Variants in NKAIN2 observed in about 807,000 individuals in gnomAD.
NKAIN2 encodes sodium/potassium transporting ATPase interacting 2, also known as sodium/potassium-transporting ATPase subunit beta-1-interacting protein 2.
NKAIN2 carries 14 observed loss-of-function variants against 32.6 expected under a neutral mutation model. The ratio of observed to expected loss-of-function variants is 0.43; its 90% CI spans 0.28 to 0.67. NKAIN2 has a LOEUF of 0.67. Among genes scored for constraint, NKAIN2 ranks in the 30% least tolerant of loss-of-function variants. The pLI is 0.17. For missense variants in NKAIN2, 198 were observed against 258.3 expected (o/e 0.77, Z 1.60); for synonymous variants, 80 against 87.2 (o/e 0.92, Z 0.46).
In NKAIN2 at chr6:124,507,504, G is replaced by C. The variant is rs376487440; in HGVS notation, c.274-150682G>C. ...TTGCTTGGTTTAAATATATGCTTTTGGTAGTCAGCGTATCCATCTTTAATT... is the reference window on the plus strand; with the variant it reads ...TTGCTTGGTTTAAATATATGCTTTTCGTAGTCAGCGTATCCATCTTTAATT... On this transcript the variant is annotated intron_variant, in intron 3 of 6. Coordinates refer to ENST00000368417, the MANE Select transcript of NKAIN2 (RefSeq NM_001040214.3). 5.9e-4 allele frequency among the ~76,000 whole-genome samples: 89 copies of C among 152,038 alleles called. 1 individual carries two copies. Among genetic ancestry groups the C allele is most frequent in the African/African-American group, 2.1e-3 (88 of 41,466 alleles).
chr6:123,872,023 A>T (rs1772915863), intron 1 of NKAIN2, among the ~76,000 whole-genome samples: 1 of 152,096 alleles, frequency 6.6e-6, no homozygotes, highest in Admixed American at 6.5e-5. Context: ...ACATCCTTTT[A>T]AGCTGATCAT....
At chr6:124,534,034 G>A (rs937023491) in intron 3 of NKAIN2, among the ~76,000 whole-genome samples, 8 of 152,100 alleles carry the variant, frequency 5.3e-5, no homozygotes, top group Non-Finnish European at 1.0e-4. Flanking sequence ...GGATTTCAAC[G>A]TATGAATTTG....
intron 4 of NKAIN2, among the ~76,000 whole-genome samples, chr6:124,717,931 A>G (rs945001465): frequency 3.9e-5 from 6 of 152,194 alleles, no homozygotes; most frequent in Non-Finnish European, 5.9e-5. Flanking sequence ...TGTTATCCCC[A>G]GGCATATTCA....
chr6:124,670,762 G>T (rs1242870032), intron 4 of NKAIN2, among the ~76,000 whole-genome samples: 1 of 151,600 alleles, frequency 6.6e-6, no homozygotes. Context: ...TCTCAAGAAA[G>T]GTGGTTTGTT....
intron 3 of NKAIN2, among the ~76,000 whole-genome samples, chr6:124,584,270 A>G (rs1241167612): frequency 6.6e-6 from 1 of 152,228 alleles, no homozygotes; most frequent in Non-Finnish European, 1.5e-5. Context: ...TAATCAGAAT[A>G]TATAAGAAAC....
intron 1 of NKAIN2, among the ~76,000 whole-genome samples, chr6:123,886,285 C>T (rs1332904555): frequency 3.3e-5 from 5 of 151,978 alleles, no homozygotes; most frequent in South Asian, 2.1e-4. Context: ...AAGAAATACA[C>T]ACAATGATTT....
At chr6:124,686,227 G>A (rs950166039) in intron 4 of NKAIN2, among the ~76,000 whole-genome samples, 2 of 152,096 alleles carry the variant, frequency 1.3e-5, no homozygotes, top group East Asian at 1.9e-4. Context: ...AAAGACTCCC[G>A]CAAGGCAGGC....
At chr6:123,936,950 A>G (rs1270760075) in intron 1 of NKAIN2, among the ~76,000 whole-genome samples, 4 of 152,156 alleles carry the variant, frequency 2.6e-5, no homozygotes, top group Non-Finnish European at 5.9e-5. Context: ...AAATCTGGCC[A>G]TAAGTAAAAA....
At chr6:123,815,398 C>CATA (rs1773650826) in intron 1 of NKAIN2, among the ~76,000 whole-genome samples, 6 of 152,162 alleles carry the variant, frequency 3.9e-5, no homozygotes, top group Non-Finnish European at 7.3e-5. Context: ...TTCATATTAT[C>CATA]TAGCATTTGA....
At chr6:124,398,131 T>C (rs62436281) in intron 3 of NKAIN2, among the ~76,000 whole-genome samples, 6,824 of 151,290 alleles carry the variant, frequency 0.045, 256 homozygotes, top group Non-Finnish European at 0.065. Flanking sequence ...CGGGCACCTG[T>C]AGTCCCAGCT....
chr6:123,884,209 G>T (rs1773607287), intron 1 of NKAIN2, among the ~76,000 whole-genome samples: 1 of 151,962 alleles, frequency 6.6e-6, no homozygotes, highest in Non-Finnish European at 1.5e-5. Context: ...AGAACATATG[G>T]TACTTGGTTT....
intron 3 of NKAIN2, among the ~76,000 whole-genome samples, chr6:124,461,784 C>T (rs1368265436): frequency 2.0e-5 from 3 of 151,836 alleles, no homozygotes; most frequent in Non-Finnish European, 4.4e-5. Context: ...AGAACTGCCA[C>T]ATGGCTTCTA....
At chr6:124,231,230 T>A (rs1487156655) in intron 1 of NKAIN2, among the ~76,000 whole-genome samples, 1 of 152,216 alleles carries the variant, frequency 6.6e-6, no homozygotes, top group Non-Finnish European at 1.5e-5. Context: ...CCATTTGGAA[T>A]GGGTGTATTT....
chr6:124,725,964 T>C (rs568236840), intron 4 of NKAIN2, among the ~76,000 whole-genome samples: 126 of 152,266 alleles, frequency 8.3e-4, no homozygotes, highest in African/African-American at 2.8e-3. Context: ...CCTTGAAAAT[T>C]GGGTCACTCC....
intron 1 of NKAIN2, among the ~76,000 whole-genome samples, chr6:124,165,101 G>A (rs1788467778): frequency 6.6e-6 from 1 of 152,052 alleles, no homozygotes; most frequent in South Asian, 2.1e-4. Flanking sequence ...AATTTCTTAA[G>A]TGCTAAAGAA....
chr6:124,363,230 G>A (rs1337429047), intron 3 of NKAIN2, among the ~76,000 whole-genome samples: 1 of 152,168 alleles, frequency 6.6e-6, no homozygotes, highest in African/African-American at 2.4e-5. Flanking sequence ...ACTTGTTTGT[G>A]TGTGTATATT....
At chr6:124,283,842 ATTTC>A (rs1263336240) in intron 2 of NKAIN2, among the ~76,000 whole-genome samples, 1 of 151,414 alleles carries the variant, frequency 6.6e-6, no homozygotes, top group Admixed American at 6.6e-5. Context: ...CATTTTTTCT[ATTTC>A]TTCTATTTTT....
intron 4 of NKAIN2, among the ~76,000 whole-genome samples, chr6:124,766,152 T>C (rs981461743): frequency 2.6e-5 from 4 of 152,200 alleles, no homozygotes; most frequent in Admixed American, 1.3e-4. Context: ...GTTGATTTCA[T>C]ATTTTGCACC....
intron 2 of NKAIN2, among the ~76,000 whole-genome samples, chr6:124,283,751 C>CT (rs1795417217): frequency 6.6e-6 from 1 of 151,788 alleles, no homozygotes. Flanking sequence ...CTCAGGGTTG[C>CT]TTTTTTTTAA....
Sources: allele counts gnomAD v4.1 joint callset (sites outside exome capture counted in the v4.1 genomes callset), GRCh38; gene constraint gnomAD v4.1.1; transcripts MANE v1.5; gene names NCBI Gene and HGNC (gene_info 2026-07-23, HGNC 2026-07-21).